Variants in PROKR2 observed in about 807,000 individuals in gnomAD.
PROKR2 encodes the protein prokineticin receptor 2.
Under a neutral mutation model 23.4 loss-of-function variants are expected in PROKR2, and 26 were observed. The ratio of observed to expected loss-of-function variants is 1.11; its 90% CI spans 0.81 to 1.54. The LOEUF (loss-of-function observed/expected upper bound fraction) is 1.54. Ranked by LOEUF, PROKR2 falls within the 40% of genes most tolerant of loss-of-function variation. The pLI is 0.00. For missense variants in PROKR2, 453 were observed against 511.5 expected, an observed-to-expected ratio of 0.89 and a Z score of 1.10; for synonymous variants, 212 against 201.2, an observed-to-expected ratio of 1.05 and a Z score of -0.45.
rs776586472 is a variant in PROKR2 at position 5,313,968 on chromosome 20, C to T, written c.402G>A (p.Leu134=). ...GHVLCASVNY[L]RTVSLYVSTN... ...TGGAGACGTAGAGGGAGACGGTGCG[C>T]AGGTAGTTGACGGAGGCACAGAGCA... The change falls in exon 2 of 3, where the codon CTG becomes CTA. Residue 134 remains leucine (L), a synonymous_variant. Transcript: ENST00000678254. 2 of 1,614,194 alleles carry T rather than the reference C, an allele frequency of 1.2e-6. No individual in the cohort carries two copies. Among genetic ancestry groups the T allele is most frequent in the East Asian group, 4.5e-5 (2 of 44,884 alleles).
intron 2 of PROKR2, among the ~76,000 whole-genome samples, chr20:5,304,244 C>T (rs955510787): frequency 3.9e-5 from 6 of 152,032 alleles, no homozygotes; most frequent in African/African-American, 1.4e-4. Flanking sequence ...TTGGCAGTTC[C>T]CTGTTAGAAT....
Position 5,301,331 on chromosome 20 carries a change from C to T in PROKR2, c.*709G>A, listed in dbSNP as rs1419245970. On this transcript the variant is annotated 3_prime_UTR_variant, in exon 3 of 3. Coordinates refer to ENST00000678254, the MANE Select transcript of PROKR2 (RefSeq NM_144773.4). ...CACTGCAAACTCCAACTCCCAGGTT[C>T]AAGCTATTCTCCTGCTTCAGCCTCC... is the stretch of plus-strand genomic sequence containing the variant. Among the ~76,000 whole-genome samples the T allele has an allele frequency of 2.0e-5, 3 of 152,234 alleles. No homozygotes were observed. The highest frequency in any genetic ancestry group is 7.2e-5 in the African/African-American group (3 of 41,462).
chr20:5,314,575 G>A (rs1349149392), intron 1 of PROKR2, among the ~76,000 whole-genome samples, 198 bp from the exon 2 acceptor site: 2 of 152,190 alleles, frequency 1.3e-5, no homozygotes, highest in Non-Finnish European at 2.9e-5. Context: ...CCCAAGTATA[G>A]GCCAACCAGA....
chr20:5,301,513 G>A lies in PROKR2; in HGVS notation c.*527C>T, dbSNP rs1191263202. On this transcript the variant is annotated 3_prime_UTR_variant, in exon 3 of 3. Transcript: ENST00000678254. ...CCCCAAGTGCTGGGATTACAGGCAT[G>A]AGCCATCATGCCTGGCCTATAGCCT... Among the ~76,000 whole-genome samples the A allele has an allele frequency of 6.6e-6, 1 of 152,232 alleles. No individual in the cohort carries two copies. Among genetic ancestry groups the A allele is most frequent in the African/African-American group, 2.4e-5 (1 of 41,466 alleles).
intron 2 of PROKR2, among the ~76,000 whole-genome samples, chr20:5,313,479 G>A (rs1299228175): frequency 6.6e-6 from 1 of 152,200 alleles, no homozygotes; most frequent in African/African-American, 2.4e-5. Context: ...AGGATTGACT[G>A]GTGAGGAGCA....
intron 2 of PROKR2, among the ~76,000 whole-genome samples, chr20:5,305,532 T>C (rs1214817721): frequency 6.6e-6 from 1 of 152,208 alleles, no homozygotes; most frequent in African/African-American, 2.4e-5. Flanking sequence ...GGAGAGCGTC[T>C]GGCACAGCTC....
At chr20:5,304,101 A>G (rs148843960) in intron 2 of PROKR2, among the ~76,000 whole-genome samples, 110 of 152,136 alleles carry the variant, frequency 7.2e-4, no homozygotes, top group Non-Finnish European at 1.0e-3. Context: ...GACCCTCCAG[A>G]TCTTTCTTTT....
In PROKR2 at chr20:5,314,157, G is replaced by C; in HGVS notation, c.213C>G (p.Asn71Lys). The change falls in exon 2 of 3, where the codon AAC (asparagine) becomes AAG (lysine). Residue 71 changes from asparagine to lysine, a missense_variant. Coordinates refer to ENST00000678254, the MANE Select transcript of PROKR2 (RefSeq NM_144773.4). ...AGIMLVCGIGNFVFIAALTRY... is the reference protein window; with the variant it reads ...AGIMLVCGIGKFVFIAALTRY... ...GGGTGAGGGCAGCGATAAAGACAAA[G>C]TTACCGATGCCGCAGACCAGCATGA... The C allele has an allele frequency of 6.2e-7, 1 of 1,614,184 alleles. No homozygotes were observed. Among genetic ancestry groups the C allele is most frequent in the South Asian group, 1.1e-5 (1 of 91,084 alleles).
At position 5,301,934 on chromosome 20, in the gene PROKR2, A is replaced by G. The variant is rs1979003868; in HGVS notation, c.*106T>C. On this transcript the variant is annotated 3_prime_UTR_variant, in exon 3 of 3. Transcript: ENST00000678254. ...ATTCAGCTTCTTGAGGGCACGGGGG[A>G]GGCATGAACACAGATGTCATTTCCC... 2.0e-6 allele frequency: 2 copies of G among 1,006,706 alleles called. No individual in the cohort carries two copies. The highest frequency in any genetic ancestry group is 3.0e-6 in the Non-Finnish European group (2 of 676,216). 62.4% of individuals were successfully genotyped at this position (1,006,706 alleles called of 1,614,324 possible). A position where few individuals can be genotyped will look rare whatever the true frequency, so the allele number is the denominator to read the frequency against.
In PROKR2 at chr20:5,302,420, G is replaced by T. The variant is rs759139837; in HGVS notation, c.775C>A (p.Gln259Lys). 1 of 1,614,226 alleles carries T rather than the reference G, an allele frequency of 6.2e-7. No individual in the cohort carries two copies. Among genetic ancestry groups the T allele is most frequent in the Non-Finnish European group, 8.5e-7 (1 of 1,180,050 alleles). ...ELWFKAVPGF[Q>K]TEQIRKRLRC... ...AGCCGCTTGCGAATCTGCTCCGTCT[G>T]GAACCCAGGGACTGCCTTGAACCAG... Residue 259 changes from glutamine to lysine, a missense_variant, in exon 3 of 3, where the codon CAG (glutamine) becomes AAG (lysine). Coordinates refer to ENST00000678254, the MANE Select transcript of PROKR2 (RefSeq NM_144773.4).
At chr20:5,308,466 T>A (rs1568571343) in intron 2 of PROKR2, among the ~76,000 whole-genome samples, 1 of 37,590 alleles carries the variant, frequency 2.7e-5, no homozygotes, top group Non-Finnish European at 5.2e-5. Context: ...TTTCGGCCCA[T>A]CCCTTCATTT....
chr20:5,303,000 C>T lies in PROKR2; in HGVS notation c.459-264G>A, dbSNP rs115009562. On this transcript the variant is annotated intron_variant, in intron 2 of 2. Coordinates refer to ENST00000678254, the MANE Select transcript of PROKR2 (RefSeq NM_144773.4). ...GCTTTGGGGTCTGAGATGAATTATT[C>T]AATCTCCCTGAGATTTATTTCCTCA... Among the ~76,000 whole-genome samples, 644 of 152,292 alleles carry T rather than the reference C, an allele frequency of 4.2e-3. 7 individuals carry two copies. The highest frequency in any genetic ancestry group is 0.015 in the African/African-American group (611 of 41,558).
intron 2 of PROKR2, among the ~76,000 whole-genome samples, chr20:5,306,345 C>A (rs1398911597): frequency 6.6e-6 from 1 of 152,190 alleles, no homozygotes; most frequent in Non-Finnish European, 1.5e-5. Flanking sequence ...GTTACACAAC[C>A]TATGGGAGCA....
intron 1 of PROKR2, 108 bp from the exon 2 acceptor site, chr20:5,314,485 AC>A (rs1979581244): frequency 2.2e-6 from 2 of 898,814 alleles, no homozygotes; most frequent in Non-Finnish European, 3.6e-6. Context: ...GGGAGAGTTG[AC>A]TCACCGTCCT....
rs1978958166 is a variant in PROKR2, at chr20:5,300,846, C to T, written c.*1194G>A. On this transcript the variant is annotated 3_prime_UTR_variant, in exon 3 of 3. Coordinates refer to ENST00000678254, the MANE Select transcript of PROKR2 (RefSeq NM_144773.4). ...CACTTTTTTCTCTGTCCTCTTTCCC[C>T]CTGACCCCAGAGCCACTGAAATCCT... Among the ~76,000 whole-genome samples, 1 of 152,138 alleles carries T rather than the reference C, an allele frequency of 6.6e-6. No homozygotes were observed. Among genetic ancestry groups the T allele is most frequent in the South Asian group, 2.1e-4 (1 of 4,824 alleles).
At chr20:5,315,006 A>G (rs1051390308) in intron 1 of PROKR2, among the ~76,000 whole-genome samples, 1 of 152,246 alleles carries the variant, frequency 6.6e-6, no homozygotes, top group Non-Finnish European at 1.5e-5. Context: ...CACCAAGTTC[A>G]CTTTCACATG....
Position 5,301,930 on chromosome 20 carries a change from G to C in PROKR2, c.*110C>G, listed in dbSNP as rs1487320530. ...CAGCATTCAGCTTCTTGAGGGCACG[G>C]GGGAGGCATGAACACAGATGTCATT... On this transcript the variant is annotated 3_prime_UTR_variant, in exon 3 of 3. Transcript: ENST00000678254. 8.1e-6 allele frequency: 8 copies of C among 987,782 alleles called. No individual in the cohort carries two copies. In the South Asian group the frequency reaches 1.2e-4, roughly 15 times the overall value. The allele number at this position is 987,782 out of a possible 1,614,324, so 61.2% of individuals were successfully genotyped here.
At position 5,316,883 on chromosome 20, in the gene PROKR2, G is replaced by A. The variant is rs1317738769; in HGVS notation, c.-398C>T. Among the ~76,000 whole-genome samples, 2 of 152,258 alleles carry A rather than the reference G, an allele frequency of 1.3e-5. No homozygotes were observed. The highest frequency in any genetic ancestry group is 4.8e-5 in the African/African-American group (2 of 41,468). On this transcript the variant is annotated 5_prime_UTR_variant, in exon 1 of 3. Coordinates refer to ENST00000678254, the MANE Select transcript of PROKR2 (RefSeq NM_144773.4). This position sits in a 1 kb window ranked among gnomAD's most constrained non-coding sequence, Gnocchi z 5.0. Reference sequence around the variant, plus strand: ...CCAGGGCGCGGGCACCGTAGCTCCGGCCGCGCTGACGCGAGTCCCCGGCAG... The same window carrying A: ...CCAGGGCGCGGGCACCGTAGCTCCGACCGCGCTGACGCGAGTCCCCGGCAG...
intron 2 of PROKR2, among the ~76,000 whole-genome samples, chr20:5,309,245 G>A (rs5012079): frequency 0.51 from 77,605 of 151,976 alleles, 20,118 homozygotes; most frequent in African/African-American, 0.61. Flanking sequence ...ACAAATTACC[G>A]CAAACATAGT....
Sources: allele counts gnomAD v4.1 joint callset (sites outside exome capture counted in the v4.1 genomes callset), GRCh38; gene constraint gnomAD v4.1.1; non-coding constraint Gnocchi (gnomAD v3.1); transcripts MANE v1.5; gene names NCBI Gene and HGNC (gene_info 2026-07-23, HGNC 2026-07-21).